Variants in TLR10 observed in about 807,000 individuals in gnomAD.
TLR10 encodes the protein toll-like receptor 10.
For missense variants in TLR10, 929 were observed against 932.9 expected (o/e 1.00, Z 0.05); for synonymous variants, 288 against 338.8 (o/e 0.85, Z 1.65).
chr4:38,774,402 T>A lies in TLR10; in HGVS notation c.1189A>T (p.Thr397Ser). Residue 397 changes from threonine to serine, a missense_variant, in exon 4 of 4, where the codon ACA (threonine) becomes TCA (serine). Physicochemically the swap from Thr to Ser is moderately conservative, Grantham distance 58 (BLOSUM62 1). Coordinates refer to ENST00000308973, the MANE Select transcript of TLR10 (RefSeq NM_030956.4). ...LSLVSCFANN[T>S]PLEHLDLSQN... ...CTCAGATCCAAGTGTTCCAAGGGTG[T>A]GTTGTTAGCAAAGCAACTTACTAAA... is the stretch of plus-strand genomic sequence containing the variant. 2 of 1,613,334 alleles carry A rather than the reference T, an allele frequency of 1.2e-6. No homozygotes were observed. The highest frequency in any genetic ancestry group is 2.2e-5 in the South Asian group (2 of 90,768).
At chr4:38,778,728 T>C (rs1209389287) in intron 1 of TLR10, among the ~76,000 whole-genome samples, 1 of 152,164 alleles carries the variant, frequency 6.6e-6, no homozygotes, top group Non-Finnish European at 1.5e-5. Context: ...TGTTACACAT[T>C]GACCCTCAAC....
In TLR10 at chr4:38,774,541, G is replaced by A. The variant is rs771154665; in HGVS notation, c.1050C>T (p.Phe350=). Residue 350 remains phenylalanine (F), a synonymous_variant, in exon 4 of 4, where the codon TTC becomes TTT. Coordinates refer to ENST00000308973, the MANE Select transcript of TLR10 (RefSeq NM_030956.4). ...HMLFPNYPTK[F]QYLNFANNIL... ...TATTATTGGCAAAATTTAAATATTGGAATTTCGTAGGATAATTCGGGAAAA... is the reference window on the plus strand; with the variant it reads ...TATTATTGGCAAAATTTAAATATTGAAATTTCGTAGGATAATTCGGGAAAA... 6.9e-6 allele frequency: 11 copies of A among 1,586,732 alleles called. No homozygotes were observed. Among genetic ancestry groups the A allele is most frequent in the Non-Finnish European group, 3.4e-6 (4 of 1,169,936 alleles).
chr4:38,777,049 C>A (rs939963117), intron 1 of TLR10, among the ~76,000 whole-genome samples: 2 of 152,142 alleles, frequency 1.3e-5, no homozygotes, highest in Non-Finnish European at 2.9e-5. Context: ...CCCACCAGGT[C>A]CCTCCCACAA....
chr4:38,780,713 A>G lies in TLR10; in HGVS notation c.-569+2208T>C, dbSNP rs569369198. 3.9e-5 allele frequency among the ~76,000 whole-genome samples: 6 copies of G among 152,364 alleles called. No homozygotes were observed. The South Asian group carries it at 1.0e-3, about 26-fold the overall frequency. On this transcript the variant is annotated intron_variant, in intron 1 of 3. Coordinates refer to ENST00000308973, the MANE Select transcript of TLR10 (RefSeq NM_030956.4). ...ACTCAGTAATCAAGATAATGTTTACATGAAATATTTTTAAAAATGAAAATT... is the reference window on the plus strand; with the variant it reads ...ACTCAGTAATCAAGATAATGTTTACGTGAAATATTTTTAAAAATGAAAATT...
chr4:38,780,466 ACCATTCAT>A (rs1725336109), intron 1 of TLR10, among the ~76,000 whole-genome samples: 2 of 149,352 alleles, frequency 1.3e-5, no homozygotes, highest in South Asian at 4.3e-4. Context: ...TCCAATGTTA[ACCATTCAT>A]CCACTCATTA....
In TLR10 at chr4:38,775,198, GGT is replaced by G; in HGVS notation, c.391_392del (p.Thr131HisfsTer5). 1 of 1,613,000 alleles carries G rather than the reference GGT, an allele frequency of 6.2e-7. No individual in the cohort carries two copies. Among genetic ancestry groups the G allele is most frequent in the East Asian group, 2.2e-5 (1 of 44,866 alleles). ...TGCCAGCTTCCTCACAGATAGGCAT[GGT>G]GTCAAAGTCATTAAAAGAAAGATCT... ...YLDLSFNDFD[T>X]MPICEEAGNM... On this transcript the variant is annotated frameshift_variant, in exon 4 of 4. Coordinates refer to ENST00000308973, the MANE Select transcript of TLR10 (RefSeq NM_030956.4). LOFTEE classifies it low-confidence loss of function (END_TRUNC).
chr4:38,774,659 ACT>A lies in TLR10; in HGVS notation c.930_931del (p.Arg310SerfsTer8). On this transcript the variant is annotated frameshift_variant, in exon 4 of 4. Coordinates refer to ENST00000308973, the MANE Select transcript of TLR10 (RefSeq NM_030956.4). LOFTEE classifies it low-confidence loss of function (END_TRUNC). ...GATTTTATCCTGTTGAATGTAAAAC[ACT>A]CTGAAATGTACATGCTCCAATTTTA... The A allele has an allele frequency of 6.4e-7, 1 of 1,563,992 alleles. No individual in the cohort carries two copies. Among genetic ancestry groups the A allele is most frequent in the South Asian group, 1.2e-5 (1 of 81,494 alleles).
At chr4:38,781,539 T>A (rs971322353) in intron 1 of TLR10, among the ~76,000 whole-genome samples, 1 of 152,172 alleles carries the variant, frequency 6.6e-6, no homozygotes, top group African/African-American at 2.4e-5. Context: ...TTCACCATGT[T>A]GGTGATGTAG....
In TLR10 at chr4:38,773,743, T is replaced by C. The variant is rs993398647; in HGVS notation, c.1848A>G (p.Thr616=). 4 of 1,613,656 alleles carry C rather than the reference T, an allele frequency of 2.5e-6. No individual in the cohort carries two copies. The highest frequency in any genetic ancestry group is 2.5e-6 in the Non-Finnish European group (3 of 1,179,870). ...YLRMLGQCTQ[T]WHRVRKTTQE... ...GGGTTGTTTTCCTAACCCTGTGCCA[T>C]GTTTGTGTGCATTGACCTAGCATCC... Residue 616 remains threonine (T), a synonymous_variant, in exon 4 of 4, where the codon ACA becomes ACG. Coordinates refer to ENST00000308973, the MANE Select transcript of TLR10 (RefSeq NM_030956.4).
chr4:38,781,718 A>C (rs1725424638), intron 1 of TLR10, among the ~76,000 whole-genome samples: 3 of 152,228 alleles, frequency 2.0e-5, no homozygotes, highest in African/African-American at 7.2e-5. Flanking sequence ...AGAATATTTA[A>C]TCATCTAATT....
Position 38,773,346 on chromosome 4 carries a change from G to A in TLR10, c.2245C>T (p.Leu749=), listed in dbSNP as rs1724766057. 1 of 1,613,202 alleles carries A rather than the reference G, an allele frequency of 6.2e-7. No homozygotes were observed. Among genetic ancestry groups the A allele is most frequent in the Non-Finnish European group, 8.5e-7 (1 of 1,179,756 alleles). The change falls in exon 4 of 4, where the codon CTG becomes TTG. Residue 749 remains leucine, a synonymous_variant. Coordinates refer to ENST00000308973, the MANE Select transcript of TLR10 (RefSeq NM_030956.4). ...CATTCCAAGTATGCTTTTTTTTCCAGGAGAGCTTTCAGTTTATGATACCTG... is the reference window on the plus strand; with the variant it reads ...CATTCCAAGTATGCTTTTTTTTCCAAGAGAGCTTTCAGTTTATGATACCTG... The part of the protein sequence containing the change: ...PTRYHKLKAL[L]EKKAYLEWPK...
chr4:38,775,167 A>T lies in TLR10; in HGVS notation c.424T>A (p.Ser142Thr). ...CTCAAACCTAGGATTTCCAGGTGTG[A>T]CATGTTGCCAGCTTCCTCACAGATA... ...MPICEEAGNMSHLEILGLSGA... is the reference protein window; with the variant it reads ...MPICEEAGNMTHLEILGLSGA... The change falls in exon 4 of 4, where the codon TCA becomes ACA. Residue 142 changes from serine to threonine, a missense_variant. By Grantham distance (58) the Ser-to-Thr change is moderately conservative. Coordinates refer to ENST00000308973, the MANE Select transcript of TLR10 (RefSeq NM_030956.4). 6.2e-7 allele frequency: 1 copy of T among 1,613,894 alleles called. No homozygotes were observed.
chr4:38,782,906 AGC>A lies in TLR10; in HGVS notation c.-569+13_-569+14del, dbSNP rs1388026049. On this transcript the variant is annotated intron_variant, in intron 1 of 3. Coordinates refer to ENST00000308973, the MANE Select transcript of TLR10 (RefSeq NM_030956.4). ...TTTTAATGAGAGTTACAACAAACAA[AGC>A]TAAGGTTCTTACCCCACGGCTTGCA... 4 of 152,350 alleles carry A rather than the reference AGC, an allele frequency of 2.6e-5. No homozygotes were observed. The East Asian group carries it at 7.7e-4, about 29-fold the overall frequency. 9.4% of individuals were successfully genotyped at this position (152,350 alleles called of 1,614,324 possible). A position where few individuals can be genotyped will look rare whatever the true frequency, so the allele number is the denominator to read the frequency against.
At chr4:38,780,403 CA>C (rs531723110) in intron 1 of TLR10, among the ~76,000 whole-genome samples, 30 of 140,318 alleles carry the variant, frequency 2.1e-4, no homozygotes, top group South Asian at 2.3e-4. Flanking sequence ...GACTCAGTTT[CA>C]AAAAAAAAAA....
At position 38,773,166 on chromosome 4, in the gene TLR10, C is replaced by A; in HGVS notation, c.2425G>T (p.Asp809Tyr). The A allele has an allele frequency of 6.5e-7, 1 of 1,527,800 alleles. No homozygotes were observed. Among genetic ancestry groups the A allele is most frequent in the Non-Finnish European group, 8.8e-7 (1 of 1,142,390 alleles). 94.6% of individuals were successfully genotyped at this position (1,527,800 alleles called of 1,614,324 possible). The change falls in exon 4 of 4, where the codon GAT becomes TAT. Residue 809 changes from aspartate (D) to tyrosine (Y), a missense_variant. Asp to Tyr is a radical substitution (Grantham distance 160, BLOSUM62 -3). Transcript: ENST00000308973. ...RGSTISLMRT[D>Y]CL Reference sequence around the variant, plus strand: ...AGGACTGTGGGATTTTATAGACAATCTGTTCTCATCAGAGAGATTGTAGAA... The same window carrying A: ...AGGACTGTGGGATTTTATAGACAATATGTTCTCATCAGAGAGATTGTAGAA...
chr4:38,775,098 G>C lies in TLR10; in HGVS notation c.493C>G (p.Leu165Val), dbSNP rs1431541483. The C allele has an allele frequency of 3.1e-6, 5 of 1,613,060 alleles. No homozygotes were observed. The highest frequency in any genetic ancestry group is 1.7e-5 in the Admixed American group (1 of 60,012). The change falls in exon 4 of 4, where the codon CTG becomes GTG. Residue 165 changes from leucine (L) to valine (V), a missense_variant. Coordinates refer to ENST00000308973, the MANE Select transcript of TLR10 (RefSeq NM_030956.4). The part of the protein sequence containing the change: ...QKSDFQKIAH[L>V]HLNTVFLGFR... The stretch of plus-strand genomic sequence containing the variant: ...CCTAAGAAGACAGTATTTAGATGCA[G>C]ATGAGCAATTTTCTGGAAATCTGAT...
rs1348227183 is a variant in TLR10 at position 38,773,773 on chromosome 4, A to T, written c.1818T>A (p.Tyr606Ter). ...FCCLHFDLPW[Y>*]LRMLGQCTQT... ...GTGTGCATTGACCTAGCATCCTGAG[A>T]TACCAGGGCAGATCAAAGTGGAGAC... The change falls in exon 4 of 4, where the codon TAT becomes TAA. Residue 606 changes from tyrosine to a stop codon, truncating the protein, a stop_gained. Transcript: ENST00000308973. LOFTEE classifies it low-confidence loss of function (END_TRUNC). 6.2e-7 allele frequency: 1 copy of T among 1,608,478 alleles called. No individual in the cohort carries two copies. The highest frequency in any genetic ancestry group is 1.7e-5 in the Admixed American group (1 of 58,896).
chr4:38,778,073 G>T (rs1579181176), intron 1 of TLR10, among the ~76,000 whole-genome samples: 2 of 152,246 alleles, frequency 1.3e-5, no homozygotes, highest in Admixed American at 1.3e-4. Flanking sequence ...TGATAGACTG[G>T]ATAAAGAAAA....
At position 38,774,716 on chromosome 4, in the gene TLR10, A is replaced by T. The variant is rs145992369; in HGVS notation, c.875T>A (p.Phe292Tyr). The change falls in exon 4 of 4, where the codon TTT becomes TAT. Residue 292 changes from phenylalanine to tyrosine, a missense_variant. By Grantham distance (22) the Phe-to-Tyr change is conservative (BLOSUM62 3). Coordinates refer to ENST00000308973, the MANE Select transcript of TLR10 (RefSeq NM_030956.4). ...TCTCATTACAGTATTTGAGTAGTCA[A>T]ATGAATTGTGGTCAAGATAAGCCTT... ...GGKAYLDHNS[F>Y]DYSNTVMRTI... The T allele has an allele frequency of 8.0e-5, 126 of 1,584,438 alleles. No individual in the cohort carries two copies. The highest frequency in any genetic ancestry group is 1.7e-4 in the Middle Eastern group (1 of 5,934).
Sources: allele counts gnomAD v4.1 joint callset (sites outside exome capture counted in the v4.1 genomes callset), GRCh38; gene constraint gnomAD v4.1.1; transcripts MANE v1.5; gene names NCBI Gene and HGNC (gene_info 2026-07-23, HGNC 2026-07-21).